The following CSMD3 variants were observed in gnomAD, a reference collection of about 807,000 sequenced individuals.
CSMD3 encodes the protein CUB and sushi domain-containing protein 3.
In CSMD3, 177 loss-of-function variants were observed where a neutral mutation model predicts 435.2. The ratio of observed to expected loss-of-function variants is 0.41; its 90% CI spans 0.36 to 0.46. The LOEUF is 0.46. CSMD3 is among the 20% of genes least tolerant of loss of function. CSMD3 has a pLI of 0.34. For synonymous variants in CSMD3, 1,656 were observed against 1,520.5 expected (o/e 1.09, Z -2.07); for missense variants, 4,265 against 4,504.6 (o/e 0.95, Z 1.52).
chr8:112,525,731 C>T (rs1040886388), intron 27 of CSMD3, among the ~76,000 whole-genome samples: 1 of 141,122 alleles, frequency 7.1e-6, no homozygotes, highest in African/African-American at 2.6e-5. Flanking sequence ...CCCAAAAAAA[C>T]CCCAAAAACC....
At position 113,079,523 on chromosome 8, in the gene CSMD3, C is replaced by G. The variant is rs557405902; in HGVS notation, c.917+19233G>C. The stretch of plus-strand genomic sequence containing the variant: ...TATCAAAATTTAACAAAGACTGCAT[C>G]TGAGGTTGCATCATGAGTTTCAGGG... On this transcript the variant is annotated intron_variant, in intron 5 of 70. Coordinates refer to ENST00000297405, the MANE Select transcript of CSMD3 (RefSeq NM_198123.2). Among the ~76,000 whole-genome samples the G allele has an allele frequency of 7.2e-5, 11 of 152,006 alleles. No homozygotes were observed. The South Asian group carries it at 2.3e-3, about 32-fold the overall frequency.
At chr8:112,546,975 G>A (rs1384585089) in intron 27 of CSMD3, among the ~76,000 whole-genome samples, 1 of 151,508 alleles carries the variant, frequency 6.6e-6, no homozygotes, top group Non-Finnish European at 1.5e-5. Flanking sequence ...TACATTCATT[G>A]GTGAAGACTG....
intron 4 of CSMD3, among the ~76,000 whole-genome samples, chr8:113,143,471 C>A (rs1399088417): frequency 6.6e-6 from 1 of 151,350 alleles, no homozygotes; most frequent in Non-Finnish European, 1.5e-5. Flanking sequence ...TGCTTCTGGG[C>A]ATTTATACCA....
intron 11 of CSMD3, among the ~76,000 whole-genome samples, chr8:112,849,408 T>C (rs1358420177): frequency 2.6e-5 from 4 of 152,032 alleles, no homozygotes; most frequent in Non-Finnish European, 4.4e-5. Context: ...CTTTACATTA[T>C]ATGGAAGAAT....
intron 22 of CSMD3, among the ~76,000 whole-genome samples, chr8:112,624,162 AT>A (rs1470345168): frequency 6.6e-6 from 1 of 152,112 alleles, no homozygotes; most frequent in East Asian, 1.9e-4. Context: ...ATTCACTACA[AT>A]TTAATCTTTT....
intron 32 of CSMD3, among the ~76,000 whole-genome samples, chr8:112,459,296 T>G (rs1817189876): frequency 6.7e-6 from 1 of 148,532 alleles, no homozygotes; most frequent in Non-Finnish European, 1.5e-5. Context: ...TTTTTTTTCC[T>G]CACCCTTCAT....
chr8:112,501,034 A>G (rs1267920526), intron 30 of CSMD3, among the ~76,000 whole-genome samples: 1 of 152,096 alleles, frequency 6.6e-6, no homozygotes, highest in Non-Finnish European at 1.5e-5. Context: ...TGACGCAGTC[A>G]ACAGTGGGCT....
chr8:112,227,656 G>C lies in CSMD3; in HGVS notation c.10964+1100C>G, dbSNP rs182327140. ...TATTCTTTATCTATTAATAAAATCTGATATTGACTAGACCTAAGTAGCTGG... is the reference window on the plus strand; with the variant it reads ...TATTCTTTATCTATTAATAAAATCTCATATTGACTAGACCTAAGTAGCTGG... On this transcript the variant is annotated intron_variant, in intron 70 of 70. Coordinates refer to ENST00000297405, the MANE Select transcript of CSMD3 (RefSeq NM_198123.2). Among the ~76,000 whole-genome samples the C allele has an allele frequency of 5.3e-5, 8 of 152,212 alleles. No individual in the cohort carries two copies. The East Asian group carries it at 1.5e-3, about 29-fold the overall frequency.
At chr8:113,211,247 G>A (rs2092831240) in intron 3 of CSMD3, among the ~76,000 whole-genome samples, 1 of 152,146 alleles carries the variant, frequency 6.6e-6, no homozygotes, top group Non-Finnish European at 1.5e-5. Flanking sequence ...ATTTTAGTGT[G>A]TGTAGTAGAG....
chr8:112,634,096 G>T (rs752222041), intron 22 of CSMD3, among the ~76,000 whole-genome samples: 12 of 151,970 alleles, frequency 7.9e-5, no homozygotes, highest in Non-Finnish European at 1.5e-4. Flanking sequence ...TAGAGAATTG[G>T]TGTTAGGGTA....
intron 3 of CSMD3, 55 bp from the exon 4 acceptor site, chr8:113,173,971 G>T (rs1258774675): frequency 1.1e-5 from 14 of 1,256,372 alleles, no homozygotes; most frequent in African/African-American, 7.4e-5. Flanking sequence ...GCAGTTTATT[G>T]TTTTAGATGT....
intron 18 of CSMD3, 33 bp from the exon 19 acceptor site, chr8:112,650,382 G>T (rs758485042): frequency 6.5e-7 from 1 of 1,549,170 alleles, no homozygotes; most frequent in Non-Finnish European, 8.9e-7. Context: ...TAAAGAGTAA[G>T]CTTGGTGGGA....
chr8:112,986,837 A>G (rs2085272317), intron 6 of CSMD3, among the ~76,000 whole-genome samples: 1 of 152,050 alleles, frequency 6.6e-6, no homozygotes, highest in Non-Finnish European at 1.5e-5. Flanking sequence ...TTGACCTGTT[A>G]GTCTTTTTTT....
intron 32 of CSMD3, among the ~76,000 whole-genome samples, chr8:112,461,947 T>G (rs1817491530): frequency 6.6e-6 from 1 of 152,202 alleles, no homozygotes; most frequent in East Asian, 1.9e-4. Flanking sequence ...CTCTTTAAAT[T>G]CAAAAGTAGA....
chr8:112,553,403 T>A (rs1031106725), intron 25 of CSMD3, among the ~76,000 whole-genome samples: 1 of 152,082 alleles, frequency 6.6e-6, no homozygotes, highest in African/African-American at 2.4e-5. Flanking sequence ...ACTGTTGTGA[T>A]AACTGGAGTG....
chr8:113,279,979 C>T (rs899877949), intron 2 of CSMD3, among the ~76,000 whole-genome samples: 4 of 151,824 alleles, frequency 2.6e-5, no homozygotes, highest in South Asian at 2.1e-4. Flanking sequence ...TATTGACTTA[C>T]GTATGTTAAA....
chr8:112,692,667 T>G (rs898305082), intron 13 of CSMD3, among the ~76,000 whole-genome samples: 3 of 152,202 alleles, frequency 2.0e-5, no homozygotes, highest in Non-Finnish European at 2.9e-5. Flanking sequence ...TTAGTTAGTT[T>G]ATACAACAAA....
chr8:112,580,915 A>C (rs1422382938), intron 23 of CSMD3, among the ~76,000 whole-genome samples: 1 of 152,098 alleles, frequency 6.6e-6, no homozygotes, highest in African/African-American at 2.4e-5. Context: ...TTTATCCTGA[A>C]TTGACCTAGA....
chr8:112,661,273 G>A lies in CSMD3; in HGVS notation c.2817-4932C>T, dbSNP rs181731764. Among the ~76,000 whole-genome samples, 3 of 152,214 alleles carry A rather than the reference G, an allele frequency of 2.0e-5. No homozygotes were observed. The East Asian group carries it at 5.8e-4, about 29-fold the overall frequency. ...TGGAAAGATTTCACCAGAAAGTCAG[G>A]TTTGAAACAGTCTAATTTCAAATAT... On this transcript the variant is annotated intron_variant, in intron 17 of 70. Transcript: ENST00000297405.
Sources: allele counts gnomAD v4.1 joint callset (sites outside exome capture counted in the v4.1 genomes callset), GRCh38; gene constraint gnomAD v4.1.1; transcripts MANE v1.5; gene names NCBI Gene and HGNC (gene_info 2026-07-23, HGNC 2026-07-21).